NTM: variants seen among roughly 807,000 people sequenced by gnomAD.
NTM encodes the protein IgLON family member 2.
Under a neutral mutation model 42.1 loss-of-function variants are expected in NTM, and 13 were observed. The ratio of observed to expected loss-of-function variants is 0.31; its 90% CI spans 0.20 to 0.49. NTM has a LOEUF of 0.49. NTM is among the 20% of genes least tolerant of loss of function. The pLI, the probability that NTM is intolerant of heterozygous loss-of-function variation, is 0.99. For synonymous variants in NTM, 187 were observed against 179.2 expected (o/e 1.04, Z -0.35); for missense variants, 373 against 452.8 (o/e 0.82, Z 1.60).
intron 1 of NTM, among the ~76,000 whole-genome samples, chr11:131,593,174 GTCCCTCCTGCAGCCCCCACCCA>G (rs1270254121): frequency 6.6e-6 from 1 of 151,346 alleles, no homozygotes; most frequent in Admixed American, 6.6e-5. Flanking sequence ...GAGCAGTCCT[GTCCCTCCTGCAGCCCCCACCCA>G]TCCCTACACC....
chr11:131,714,754 C>T (rs2077515067), intron 1 of NTM, among the ~76,000 whole-genome samples: 1 of 152,140 alleles, frequency 6.6e-6, no homozygotes, highest in Non-Finnish European at 1.5e-5. Context: ...GTCCTCTATT[C>T]CACTCTCGCC....
rs1273429639 is a variant in NTM at position 132,003,957 on chromosome 11, TC to T, written c.167+92310del. Among the ~76,000 whole-genome samples the T allele has an allele frequency of 1.3e-5, 2 of 152,366 alleles. No homozygotes were observed. The highest frequency in any genetic ancestry group is 3.9e-4 in the East Asian group (2 of 5,184). On this transcript the variant is annotated intron_variant, in intron 2 of 8. Transcript: ENST00000683400. This position sits in a 1 kb window ranked among gnomAD's most constrained non-coding sequence, Gnocchi z 6.0. ...CCCCATCCTCATTGTTCAGGTTTCA[TC>T]GTCTCCTTAATCAACCATTAGCATA...
intron 2 of NTM, among the ~76,000 whole-genome samples, chr11:132,144,707 C>T (rs1020072701): frequency 1.3e-5 from 2 of 152,122 alleles, no homozygotes; most frequent in Non-Finnish European, 2.9e-5. Flanking sequence ...GAAAGGTAGT[C>T]CCCAGATCTT....
chr11:132,116,584 G>T (rs951439051), intron 2 of NTM, among the ~76,000 whole-genome samples: 2 of 152,162 alleles, frequency 1.3e-5, no homozygotes, highest in African/African-American at 4.8e-5. Flanking sequence ...TAACTATAGG[G>T]TGTCCTTAAC....
At chr11:131,790,880 A>G (rs2136141666) in intron 1 of NTM, among the ~76,000 whole-genome samples, 1 of 152,304 alleles carries the variant, frequency 6.6e-6, no homozygotes. Context: ...TCAGATCTGC[A>G]CTGCAAAGTT....
At chr11:131,640,765 T>C (rs1181905728) in intron 1 of NTM, among the ~76,000 whole-genome samples, 1 of 152,196 alleles carries the variant, frequency 6.6e-6, no homozygotes, top group African/African-American at 2.4e-5. Context: ...AAGCAGAATC[T>C]CAAGGAGGGA....
At chr11:131,696,187 G>A (rs1317814496) in intron 1 of NTM, among the ~76,000 whole-genome samples, 1 of 152,150 alleles carries the variant, frequency 6.6e-6, no homozygotes, top group Non-Finnish European at 1.5e-5. Flanking sequence ...TGGTAGTATG[G>A]GGTGTGGGGT....
chr11:132,029,090 T>C (rs1379833313), intron 2 of NTM, among the ~76,000 whole-genome samples: 1 of 152,070 alleles, frequency 6.6e-6, no homozygotes, highest in Non-Finnish European at 1.5e-5. Context: ...TTTTGTTTTT[T>C]TGCTACTGGG....
At chr11:132,299,077 T>C (rs913171026) in intron 4 of NTM, among the ~76,000 whole-genome samples, 1 of 152,124 alleles carries the variant, frequency 6.6e-6, no homozygotes, top group Non-Finnish European at 1.5e-5. Context: ...GGGTGGATCA[T>C]GAGGTCAGGA....
chr11:131,412,128 A>T (rs1158995335), intron 1 of NTM, among the ~76,000 whole-genome samples: 3 of 152,102 alleles, frequency 2.0e-5, no homozygotes, highest in Non-Finnish European at 4.4e-5. Flanking sequence ...AGAGCTATAC[A>T]TTTTCCTCAC....
At chr11:131,426,777 C>T (rs555200817) in intron 1 of NTM, among the ~76,000 whole-genome samples, 3 of 152,042 alleles carry the variant, frequency 2.0e-5, no homozygotes, top group Non-Finnish European at 4.4e-5. Flanking sequence ...TTTCTTGGGG[C>T]ACGAAAGCGG....
At chr11:131,681,537 G>A (rs2072875923) in intron 1 of NTM, among the ~76,000 whole-genome samples, 1 of 24,910 alleles carries the variant, frequency 4.0e-5, no homozygotes, top group African/African-American at 1.0e-4. Context: ...ATGTCTCCCT[G>A]TGTATGTGAG....
chr11:132,067,678 C>G (rs900376936), intron 2 of NTM, among the ~76,000 whole-genome samples: 2 of 152,222 alleles, frequency 1.3e-5, no homozygotes, highest in Non-Finnish European at 2.9e-5. Context: ...CCATTACATG[C>G]AAGGCCTGGG....
intron 1 of NTM, among the ~76,000 whole-genome samples, chr11:131,623,832 C>T (rs1340337400): frequency 6.6e-6 from 1 of 152,232 alleles, no homozygotes; most frequent in East Asian, 1.9e-4. Flanking sequence ...GTTAACTTAT[C>T]CATTTTGTAT....
rs1946023191 is a variant in NTM, at chr11:131,408,244, CTT to C, written c.82+37357_82+37358del. Among the ~76,000 whole-genome samples, 3 of 152,200 alleles carry C rather than the reference CTT, an allele frequency of 2.0e-5. No homozygotes were observed. In the South Asian group the frequency reaches 6.2e-4, roughly 31 times the overall value. On this transcript the variant is annotated intron_variant, in intron 1 of 8. Transcript: ENST00000683400. Reference sequence around the variant, plus strand: ...GAGGGAGACAAAACGCCTGTCTTCTCTTGCTCACGTTTGCAAAATATTTGCTG... The same window carrying C: ...GAGGGAGACAAAACGCCTGTCTTCTCGCTCACGTTTGCAAAATATTTGCTG...
chr11:131,616,327 G>T (rs1346047852), intron 1 of NTM, among the ~76,000 whole-genome samples: 1 of 152,212 alleles, frequency 6.6e-6, no homozygotes, highest in Non-Finnish European at 1.5e-5. Context: ...CTTGGGAGTT[G>T]GAGGACAGAG....
At chr11:131,417,143 T>G (rs1947042665) in intron 1 of NTM, among the ~76,000 whole-genome samples, 1 of 152,222 alleles carries the variant, frequency 6.6e-6, no homozygotes, top group Admixed American at 6.5e-5. Flanking sequence ...CTTAAACTCA[T>G]AGTTATCCTG....
chr11:131,457,576 G>A (rs900786091), intron 1 of NTM, among the ~76,000 whole-genome samples: 3 of 152,158 alleles, frequency 2.0e-5, no homozygotes, highest in African/African-American at 4.8e-5. Context: ...ATGATACTGC[G>A]GCATGGTAAG....
intron 1 of NTM, among the ~76,000 whole-genome samples, chr11:131,595,381 A>G (rs1386768813): frequency 2.6e-5 from 4 of 152,194 alleles, no homozygotes; most frequent in African/African-American, 9.7e-5. Context: ...GGGAAAAAAG[A>G]CCCTGAAATT....
Sources: gnomAD v4.1 joint callset for allele counts (sites outside exome capture counted in the v4.1 genomes callset) on GRCh38, gnomAD v4.1.1 for gene constraint, Gnocchi (gnomAD v3.1) non-coding constraint, MANE v1.5 for transcripts, NCBI Gene and HGNC (gene_info 2026-07-23, HGNC 2026-07-21) for gene names.